Variants in ARFGEF3 observed in about 807,000 individuals in gnomAD.
The protein encoded by ARFGEF3 is ARFGEF family member 3, also known as brefeldin A-inhibited guanine nucleotide-exchange protein 3.
In ARFGEF3, 96 loss-of-function variants were observed where a neutral mutation model predicts 221.7. The observed-to-expected ratio is 0.43, with a 90% CI of 0.37 to 0.51. The LOEUF is 0.51. Ranked by LOEUF, ARFGEF3 falls within the 20% of genes least tolerant of loss-of-function variation. The pLI is 0.00. For missense variants in ARFGEF3, 2,410 were observed against 2,789.9 expected (o/e 0.86, Z 3.07); for synonymous variants, 1,145 against 1,126.8 (o/e 1.02, Z -0.32).
intron 10 of ARFGEF3, among the ~76,000 whole-genome samples, chr6:138,260,913 A>G (rs549109133): frequency 3.2e-4 from 49 of 152,316 alleles, no homozygotes; most frequent in Non-Finnish European, 5.6e-4. Context: ...GGTAAAATGG[A>G]TAAGTCCCTA....
At chr6:138,336,215 C>T (rs1008054695) in intron 33 of ARFGEF3, 80 bp from the exon 34 acceptor site, 2 of 1,124,708 alleles carry the variant, frequency 1.8e-6, no homozygotes, top group South Asian at 4.4e-5. Flanking sequence ...AAACCATTTC[C>T]ACATTGGCAG....
intron 12 of ARFGEF3, among the ~76,000 whole-genome samples, chr6:138,277,143 C>T (rs368642699): frequency 1.3e-5 from 2 of 152,216 alleles, no homozygotes; most frequent in East Asian, 3.9e-4. Flanking sequence ...GTACTCTGCC[C>T]CTGGTCCCTG....
Position 138,335,134 on chromosome 6 carries a change from C to A in ARFGEF3, c.6288C>A (p.Gly2096=), listed in dbSNP as rs1177668471. The change falls in exon 33 of 34, where the codon GGC becomes GGA. Residue 2096 remains glycine (G), a synonymous_variant. Transcript: ENST00000251691. The part of the protein sequence containing the change: ...LLRQDKRPRS[G]STGSSLSVSV... The stretch of plus-strand genomic sequence containing the variant: ...GACAGGACAAGAGGCCCCGCTCAGG[C>A]TCCACCGGGAGCTCCCTCAGTGTCT... 6.3e-7 allele frequency: 1 copy of A among 1,592,620 alleles called. No individual in the cohort carries two copies. Among genetic ancestry groups the A allele is most frequent in the Non-Finnish European group, 8.5e-7 (1 of 1,172,060 alleles).
chr6:138,333,812 C>CA (rs1329564932), intron 32 of ARFGEF3, among the ~76,000 whole-genome samples, 158 bp from the exon 33 acceptor site: 1 of 152,148 alleles, frequency 6.6e-6, no homozygotes, highest in Non-Finnish European at 1.5e-5. Flanking sequence ...ACACAGTGCC[C>CA]AAAAAGTATG....
chr6:138,267,144 G>C (rs1421619196), intron 12 of ARFGEF3, among the ~76,000 whole-genome samples: 1 of 152,162 alleles, frequency 6.6e-6, no homozygotes, highest in Non-Finnish European at 1.5e-5. Flanking sequence ...TCAAGAAACA[G>C]TAAAATTATA....
intron 22 of ARFGEF3, among the ~76,000 whole-genome samples, chr6:138,303,328 A>T (rs1402711502): frequency 6.6e-6 from 1 of 152,212 alleles, no homozygotes; most frequent in Non-Finnish European, 1.5e-5. Context: ...GAACAGAGGA[A>T]CAAAAAGGAT....
chr6:138,224,023 A>G (rs1778032140), intron 4 of ARFGEF3, among the ~76,000 whole-genome samples: 2 of 152,246 alleles, frequency 1.3e-5, no homozygotes, highest in African/African-American at 2.4e-5. Context: ...GTGAATGAAT[A>G]GGAGCCTGAA....
At chr6:138,186,654 C>G (rs1175401871) in intron 2 of ARFGEF3, among the ~76,000 whole-genome samples, 2 of 152,172 alleles carry the variant, frequency 1.3e-5, no homozygotes, top group East Asian at 3.8e-4. Flanking sequence ...AGACTCTTGT[C>G]ACTGAGGAGA....
In ARFGEF3 at chr6:138,255,942, C is replaced by T. The variant is rs569492438; in HGVS notation, c.1104+173C>T. ...AGTCAGTGCGTGTGTACATGTATTG[C>T]GAGCTGGGGTAGGAGGGGTCAGTGA... is the stretch of plus-strand genomic sequence containing the variant. On this transcript the variant is annotated intron_variant, in intron 10 of 33. Coordinates refer to ENST00000251691, the MANE Select transcript of ARFGEF3 (RefSeq NM_020340.5). Among the ~76,000 whole-genome samples, 103 of 152,162 alleles carry T rather than the reference C, an allele frequency of 6.8e-4. 1 individual carries two copies. The Middle Eastern group carries it at 0.01, about 15-fold the overall frequency.
At chr6:138,186,302 A>T (rs1777179646) in intron 2 of ARFGEF3, among the ~76,000 whole-genome samples, 1 of 152,206 alleles carries the variant, frequency 6.6e-6, no homozygotes, top group Non-Finnish European at 1.5e-5. Context: ...CAGTGGTTTA[A>T]ATGAGATGGG....
At chr6:138,333,587 T>C (rs529045491) in intron 32 of ARFGEF3, among the ~76,000 whole-genome samples, 10 of 152,122 alleles carry the variant, frequency 6.6e-5, no homozygotes, top group East Asian at 1.9e-4. Flanking sequence ...GGACTACAGG[T>C]GCCCGCCACC....
intron 12 of ARFGEF3, among the ~76,000 whole-genome samples, chr6:138,269,108 T>C (rs1158668170): frequency 6.6e-6 from 1 of 152,162 alleles, no homozygotes; most frequent in East Asian, 1.9e-4. Flanking sequence ...TCCCTAAGGG[T>C]CCCGTGATTT....
intron 14 of ARFGEF3, among the ~76,000 whole-genome samples, chr6:138,282,732 A>G (rs896400396): frequency 2.6e-5 from 4 of 152,208 alleles, no homozygotes; most frequent in South Asian, 2.1e-4. Context: ...GTTAATCATT[A>G]TAACATTTAC....
chr6:138,314,086 G>T, intron 26 of ARFGEF3, 147 bp downstream of exon 26: 1 of 889,674 alleles, frequency 1.1e-6, no homozygotes, highest in South Asian at 2.3e-5. Context: ...GTGATAAATA[G>T]CAGATTTATT....
intron 13 of ARFGEF3, among the ~76,000 whole-genome samples, chr6:138,279,693 C>T (rs1201182985): frequency 1.3e-5 from 2 of 152,220 alleles, no homozygotes; most frequent in South Asian, 2.1e-4. Context: ...GAAAAGGAAG[C>T]TCGTACGCTA....
At chr6:138,203,336 A>G (rs1777570412) in intron 2 of ARFGEF3, among the ~76,000 whole-genome samples, 1 of 152,250 alleles carries the variant, frequency 6.6e-6, no homozygotes. Context: ...GGCAGGCTAC[A>G]AAACCTTTCT....
intron 4 of ARFGEF3, among the ~76,000 whole-genome samples, chr6:138,221,674 A>AT (rs903776597): frequency 2.6e-5 from 4 of 152,012 alleles, no homozygotes; most frequent in African/African-American, 7.2e-5. Flanking sequence ...ATATTTATAT[A>AT]TTTTTTCTGT....
chr6:138,169,097 C>A (rs1776776354), intron 1 of ARFGEF3, among the ~76,000 whole-genome samples: 1 of 152,192 alleles, frequency 6.6e-6, no homozygotes, highest in African/African-American at 2.4e-5. Context: ...GATGAGGGAA[C>A]TGAAACTTAC....
Position 138,311,483 on chromosome 6 carries a change from C to T in ARFGEF3, c.4173C>T (p.Ala1391=), listed in dbSNP as rs763663631. The change falls in exon 25 of 34, where the codon GCC becomes GCT. Residue 1391 remains alanine (A), a synonymous_variant. Transcript: ENST00000251691. ...CGTCCACAGACCTGTGCCTCCCGGC[C>T]CTGGATTACCTCAGGCGCTGCTCTC... ...GAPSTDLCLP[A]LDYLRRCSQL... is the part of the protein sequence containing the mutation. 3.1e-6 allele frequency: 5 copies of T among 1,601,814 alleles called. No homozygotes were observed. In the East Asian group the frequency reaches 1.1e-4, roughly 36 times the overall value.
Sources: allele counts gnomAD v4.1 joint callset (sites outside exome capture counted in the v4.1 genomes callset), GRCh38; gene constraint gnomAD v4.1.1; transcripts MANE v1.5; gene names NCBI Gene and HGNC (gene_info 2026-07-23, HGNC 2026-07-21).